ABCC1: variants seen among roughly 807,000 people sequenced by gnomAD.
The protein encoded by ABCC1 is ATP binding cassette subfamily C member 1 (ABCC1 blood group), also known as multidrug resistance-associated protein 1.
In ABCC1, 83 loss-of-function variants were observed where a neutral mutation model predicts 172.9. The observed-to-expected ratio is 0.48, with a 90% confidence interval of 0.40 to 0.58. ABCC1 has a LOEUF of 0.58. Among genes scored for constraint, ABCC1 ranks in the 20% least tolerant of loss-of-function variants. The pLI, the probability that ABCC1 is intolerant of heterozygous loss-of-function variation, is 0.00. For synonymous variants in ABCC1, 937 were observed against 825.2 expected, an observed-to-expected ratio of 1.14 and a Z score of -2.32; for missense variants, 1,817 against 2,002.7, an observed-to-expected ratio of 0.91 and a Z score of 1.77.
intron 19 of ABCC1, among the ~76,000 whole-genome samples, chr16:16,101,130 C>G (rs1391364311): frequency 6.6e-6 from 1 of 152,008 alleles, no homozygotes; most frequent in Non-Finnish European, 1.5e-5. Context: ...CTCCCGGGTT[C>G]AAGCAATTCT....
intron 12 of ABCC1, among the ~76,000 whole-genome samples, chr16:16,058,088 T>A (rs940011782): frequency 6.6e-6 from 1 of 152,166 alleles, no homozygotes; most frequent in African/African-American, 2.4e-5. Context: ...TTCTGGTACC[T>A]GTCCTGGGGT....
chr16:16,071,863 G>T (rs913782312), intron 14 of ABCC1, 134 bp downstream of exon 14: 2 of 767,394 alleles, frequency 2.6e-6, no homozygotes, highest in Admixed American at 2.3e-5. Context: ...GCGAGACCCC[G>T]GGGGACAAGG....
At chr16:16,118,459 A>G (rs1305582950) in intron 23 of ABCC1, among the ~76,000 whole-genome samples, 1 of 135,166 alleles carries the variant, frequency 7.4e-6, no homozygotes, top group Non-Finnish European at 1.5e-5. Flanking sequence ...TGCATTTACC[A>G]AATATGTTAT....
chr16:16,052,955 A>C, intron 11 of ABCC1, 139 bp downstream of exon 11: 2 of 722,496 alleles, frequency 2.8e-6, no homozygotes, highest in Non-Finnish European at 4.6e-6. Flanking sequence ...GGGGAGCCTT[A>C]ACAAATGCTG....
intron 30 of ABCC1, among the ~76,000 whole-genome samples, 192 bp from the exon 31 acceptor site, chr16:16,140,981 C>G (rs1240133730): frequency 1.3e-5 from 2 of 152,172 alleles, no homozygotes; most frequent in African/African-American, 4.8e-5. Context: ...AAGGAGCTGG[C>G]CTCATGGGAA....
chr16:16,118,481 C>T (rs916111748), intron 23 of ABCC1, among the ~76,000 whole-genome samples: 2 of 126,524 alleles, frequency 1.6e-5, no homozygotes, highest in Non-Finnish European at 3.2e-5. Context: ...TGTGTTCATA[C>T]GCAAGCTGGA....
chr16:15,984,672 C>T (rs543809009), intron 1 of ABCC1, among the ~76,000 whole-genome samples: 1 of 152,186 alleles, frequency 6.6e-6, no homozygotes, highest in South Asian at 2.1e-4. Context: ...TCTCGAACCC[C>T]TGACCTCGTG....
At position 16,142,793 on chromosome 16, in the gene ABCC1, T is replaced by A. The variant is rs212091; in HGVS notation, c.*1512T>A. ...AGCAGCATCTTTTAAAGCCTGTTCT[T>A]TAAGGTGTCTCGTTAGAGCCCAAAG... On this transcript the variant is annotated 3_prime_UTR_variant, in exon 31 of 31. Transcript: ENST00000399410. 2 of 152,486 alleles carry A rather than the reference T, an allele frequency of 1.3e-5. No individual in the cohort carries two copies. Among genetic ancestry groups the A allele is most frequent in the South Asian group, 4.2e-4 (2 of 4,816 alleles). The allele number at this position is 152,486 out of a possible 1,614,324, so 9.4% of individuals were successfully genotyped here.
chr16:16,038,936 C>T (rs190161997), intron 7 of ABCC1, among the ~76,000 whole-genome samples: 176 of 152,256 alleles, frequency 1.2e-3, no homozygotes, highest in Non-Finnish European at 2.2e-3. Flanking sequence ...GGGAGGAGGA[C>T]AGAGTTTGAA....
chr16:16,137,290 G>T (rs557008393), intron 29 of ABCC1, among the ~76,000 whole-genome samples: 1 of 152,310 alleles, frequency 6.6e-6, no homozygotes, highest in Admixed American at 6.5e-5. Context: ...CTCGGGGTCA[G>T]CTGGCTTTTG....
At chr16:16,070,400 C>T (rs1398659494) in intron 13 of ABCC1, among the ~76,000 whole-genome samples, 2 of 151,898 alleles carry the variant, frequency 1.3e-5, no homozygotes, top group Admixed American at 6.6e-5. Context: ...CGCAGTGGCT[C>T]ATGCCTGTAA....
chr16:16,099,738 G>A (rs1013707209), intron 19 of ABCC1, among the ~76,000 whole-genome samples: 3 of 152,152 alleles, frequency 2.0e-5, no homozygotes, highest in African/African-American at 7.2e-5. Flanking sequence ...GAGGCACCCT[G>A]ATTGACAGGC....
At chr16:16,094,301 AT>A in intron 19 of ABCC1, 1 of 264,512 alleles carries the variant, frequency 3.8e-6, no homozygotes. Flanking sequence ...GACTCTCTGT[AT>A]TTTTAAGCAT....
intron 1 of ABCC1, among the ~76,000 whole-genome samples, chr16:16,000,673 T>A (rs777499367): frequency 6.6e-6 from 1 of 152,198 alleles, no homozygotes; most frequent in African/African-American, 2.4e-5. Context: ...TTTCCCAGGC[T>A]GGTCTTGAAC....
Position 16,007,758 on chromosome 16 carries a change from G to A in ABCC1, c.49-58G>A, listed in dbSNP as rs570055372. 3.9e-5 allele frequency: 58 copies of A among 1,504,700 alleles called. No individual in the cohort carries two copies. The Admixed American group carries it at 4.3e-4, about 11-fold the overall frequency. 93.2% of individuals were successfully genotyped at this position (1,504,700 alleles called of 1,614,324 possible). On this transcript the variant is annotated intron_variant, in intron 1 of 30. Coordinates refer to ENST00000399410, the MANE Select transcript of ABCC1 (RefSeq NM_004996.4). ...TGGCAGCTGGTTTCATGCTCCAGGC[G>A]AGCTCCTGTCCTCTGGGGTGTGTCC...
chr16:16,009,649 C>A, intron 2 of ABCC1, 127 bp from the exon 3 acceptor site: 2 of 1,040,864 alleles, frequency 1.9e-6, no homozygotes, highest in Non-Finnish European at 1.4e-6. Context: ...GTGCCATGTC[C>A]TAGGACTGTG....
At chr16:16,011,872 T>G (rs2047797549) in intron 3 of ABCC1, among the ~76,000 whole-genome samples, 1 of 152,154 alleles carries the variant, frequency 6.6e-6, no homozygotes, top group South Asian at 2.1e-4. Flanking sequence ...TTTCACCATG[T>G]TGGCCAGGCT....
intron 15 of ABCC1, among the ~76,000 whole-genome samples, chr16:16,077,716 G>C (rs902442179): frequency 2.6e-5 from 4 of 152,202 alleles, no homozygotes; most frequent in African/African-American, 9.7e-5. Flanking sequence ...ACGACTATCA[G>C]CATTTCCACT....
chr16:15,998,114 G>T (rs1394397758), intron 1 of ABCC1, among the ~76,000 whole-genome samples: 1 of 150,778 alleles, frequency 6.6e-6, no homozygotes, highest in African/African-American at 2.4e-5. Flanking sequence ...GACCCACTGC[G>T]CCCAGTCCCG....
Sources: gnomAD v4.1 joint callset for allele counts (sites outside exome capture counted in the v4.1 genomes callset) on GRCh38, gnomAD v4.1.1 for gene constraint, MANE v1.5 for transcripts, NCBI Gene and HGNC (gene_info 2026-07-23, HGNC 2026-07-21) for gene names.